Variants in SGMS1 observed in about 807,000 individuals in gnomAD.
The protein encoded by SGMS1 is sphingomyelin synthase 1, also known as phosphatidylcholine:ceramide cholinephosphotransferase 1.
A neutral mutation model predicts 46.2 loss-of-function variants in SGMS1; 13 were observed. The observed-to-expected ratio is 0.28, with a 90% CI of 0.18 to 0.45. The LOEUF (loss-of-function observed/expected upper bound fraction) is 0.45, where lower values mean the gene tolerates loss of function less well. Ranked by LOEUF, SGMS1 falls within the 20% of genes least tolerant of loss-of-function variation. The pLI is 1.00. For missense variants in SGMS1, 324 were observed against 519.9 expected (o/e 0.62, Z 3.66); for synonymous variants, 203 against 187.8 (o/e 1.08, Z -0.66).
intron 1 of SGMS1, among the ~76,000 whole-genome samples, chr10:50,622,586 G>A (rs973545891): frequency 6.6e-6 from 1 of 152,216 alleles, no homozygotes; most frequent in Non-Finnish European, 1.5e-5. Flanking sequence ...ACAGGCCCCA[G>A]AACATAGAAA....
chr10:50,417,858 T>C (rs1849196285), intron 6 of SGMS1, among the ~76,000 whole-genome samples: 2 of 152,228 alleles, frequency 1.3e-5, no homozygotes, highest in East Asian at 1.9e-4. Flanking sequence ...ACCCATATCC[T>C]GACCCACTGC....
intron 2 of SGMS1, among the ~76,000 whole-genome samples, chr10:50,559,205 C>T (rs553766128): frequency 2.0e-5 from 3 of 152,256 alleles, no homozygotes; most frequent in African/African-American, 7.2e-5. Flanking sequence ...ACACAAGCCC[C>T]CCAAAATGTA....
At chr10:50,590,000 A>T (rs770669313) in intron 2 of SGMS1, among the ~76,000 whole-genome samples, 153 bp downstream of exon 2, 2 of 152,216 alleles carry the variant, frequency 1.3e-5, no homozygotes, top group Non-Finnish European at 1.5e-5. Flanking sequence ...AAAATGTACA[A>T]ACCTATACAC....
intron 7 of SGMS1, among the ~76,000 whole-genome samples, chr10:50,337,872 CAAA>C (rs56330245): frequency 0.22 from 22,428 of 102,774 alleles, 2,015 homozygotes; most frequent in East Asian, 0.31. Flanking sequence ...GGTTAAAATA[CAAA>C]AAAAAAAAAA....
chr10:50,586,682 G>A (rs1249368377), intron 2 of SGMS1, among the ~76,000 whole-genome samples: 2 of 152,230 alleles, frequency 1.3e-5, no homozygotes, highest in African/African-American at 2.4e-5. Context: ...CACAGGAAGA[G>A]CAGCAGGAAT....
At chr10:50,475,942 C>T (rs918516395) in intron 3 of SGMS1, among the ~76,000 whole-genome samples, 1 of 151,682 alleles carries the variant, frequency 6.6e-6, no homozygotes, top group Admixed American at 6.6e-5. Flanking sequence ...TATAGCAGTA[C>T]AAGAACAGAC....
intron 3 of SGMS1, among the ~76,000 whole-genome samples, chr10:50,484,449 C>A (rs1293572874): frequency 1.3e-5 from 2 of 152,148 alleles, no homozygotes; most frequent in Non-Finnish European, 2.9e-5. Flanking sequence ...GGATTCACAG[C>A]TGAATCCTAC....
chr10:50,562,839 C>T (rs990882136), intron 2 of SGMS1, among the ~76,000 whole-genome samples: 2 of 152,154 alleles, frequency 1.3e-5, no homozygotes, highest in Non-Finnish European at 2.9e-5. Flanking sequence ...CCACCGCGCC[C>T]GGCCGTCTCC....
At chr10:50,317,848 G>A (rs185718350) in intron 8 of SGMS1, among the ~76,000 whole-genome samples, 7 of 143,606 alleles carry the variant, frequency 4.9e-5, no homozygotes, top group Non-Finnish European at 9.0e-5. Context: ...TGAGAGCCCC[G>A]GCTGGAGTGC....
At chr10:50,625,047 C>T (rs1838909673), upstream of SGMS1, 2 of 1,000,682 alleles carry the variant, frequency 2.0e-6, no homozygotes, top group Non-Finnish European at 1.2e-6. Flanking sequence ...GGGCTTTGGG[C>T]GCCGGACTCT....
chr10:50,439,441 T>C (rs1244414265), intron 5 of SGMS1, among the ~76,000 whole-genome samples: 1 of 152,178 alleles, frequency 6.6e-6, no homozygotes, highest in Non-Finnish European at 1.5e-5. Context: ...TGATGACACA[T>C]AGATCCAACG....
rs188539799 is a variant in SGMS1, at chr10:50,378,228, T to C, written c.-231-33883A>G. Among the ~76,000 whole-genome samples the C allele has an allele frequency of 2.6e-5, 4 of 152,312 alleles. No individual in the cohort carries two copies. In the East Asian group the frequency reaches 7.7e-4, roughly 29 times the overall value. On this transcript the variant is annotated intron_variant, in intron 6 of 10. Coordinates refer to ENST00000361781, the MANE Select transcript of SGMS1 (RefSeq NM_147156.4). ...TTCACACTTGATTAATGGAGCCATCTCCTTCTTTTTACTGATTCCTCTTCA... is the reference window on the plus strand; with the variant it reads ...TTCACACTTGATTAATGGAGCCATCCCCTTCTTTTTACTGATTCCTCTTCA...
At position 50,308,670 on chromosome 10, in the gene SGMS1, G is replaced by A. The variant is rs192148742; in HGVS notation, c.896-522C>T. On this transcript the variant is annotated intron_variant, in intron 9 of 10. Transcript: ENST00000361781. ...AATACAAGCAGAAAAGCATCCAGAC[G>A]CCTGGGAATTCTAGTTCAAGTGCCT... Among the ~76,000 whole-genome samples the A allele has an allele frequency of 1.7e-4, 26 of 152,120 alleles. No individual in the cohort carries two copies. The East Asian group carries it at 3.7e-3, about 22-fold the overall frequency.
chr10:50,381,889 T>C (rs930438209), intron 6 of SGMS1, among the ~76,000 whole-genome samples: 2 of 152,112 alleles, frequency 1.3e-5, no homozygotes, highest in African/African-American at 4.8e-5. Context: ...AAGAATGAAA[T>C]CATAACCAGC....
In SGMS1 at chr10:50,343,790, T is replaced by C; in HGVS notation, c.325A>G (p.Asn109Asp). Reference sequence around the variant, plus strand: ...TTTATCATCTCTTTCCTATACCCATTTGGCATCCCGTTGGGTTTAATCTTG... The same window carrying C: ...TTTATCATCTCTTTCCTATACCCATCTGGCATCCCGTTGGGTTTAATCTTG... Reference protein sequence around the residue: ...SIKIKPNGMPNGYRKEMIKIP... With the variant: ...SIKIKPNGMPDGYRKEMIKIP... Residue 109 changes from asparagine to aspartate, a missense_variant, in exon 7 of 11, where the codon AAT becomes GAT. This residue lies in a region of SGMS1 where 150 missense variants were observed against 169.8 expected (regional missense o/e 0.88). Coordinates refer to ENST00000361781, the MANE Select transcript of SGMS1 (RefSeq NM_147156.4). 1.2e-6 allele frequency: 2 copies of C among 1,614,134 alleles called. No homozygotes were observed. Among genetic ancestry groups the C allele is most frequent in the Non-Finnish European group, 1.7e-6 (2 of 1,180,002 alleles).
chr10:50,620,957 G>C (rs1218455267), intron 1 of SGMS1, among the ~76,000 whole-genome samples: 1 of 152,180 alleles, frequency 6.6e-6, no homozygotes, highest in Non-Finnish European at 1.5e-5. Context: ...GCCAAGGTGA[G>C]AGGATTACTT....
rs1386320155 is a variant in SGMS1 at position 50,307,834 on chromosome 10, C to A, written c.1062+148G>T. 1.4e-6 allele frequency: 1 copy of A among 699,322 alleles called. No homozygotes were observed. The highest frequency in any genetic ancestry group is 2.4e-6 in the Non-Finnish European group (1 of 421,268). The allele number at this position is 699,322 out of a possible 1,614,324, so 43.3% of individuals were successfully genotyped here. ...TTTTATTCTTAATTCTGAAGAGAAT[C>A]AATGTCACAAAAAAACAATACAATC... is the stretch of plus-strand genomic sequence containing the variant. On this transcript the variant is annotated intron_variant, in intron 10 of 10. Transcript: ENST00000361781. The surrounding 1 kb of genome is among the most constrained non-coding windows in gnomAD (Gnocchi z 4.2).
At chr10:50,483,479 T>C (rs773576792) in intron 3 of SGMS1, among the ~76,000 whole-genome samples, 25 of 152,150 alleles carry the variant, frequency 1.6e-4, no homozygotes, top group Non-Finnish European at 3.5e-4. Context: ...ATTAGACAGA[T>C]CACTGAGAGA....
intron 6 of SGMS1, among the ~76,000 whole-genome samples, chr10:50,398,526 T>C (rs545849052): frequency 2.6e-4 from 39 of 152,226 alleles, no homozygotes; most frequent in African/African-American, 8.4e-4. Context: ...GTGTTGTAAG[T>C]TGGGATGTGA....
Sources: gnomAD v4.1 joint callset for allele counts (sites outside exome capture counted in the v4.1 genomes callset) on GRCh38, gnomAD v4.1.1 for gene constraint, gnomAD v4.1.1 regional missense constraint, Gnocchi (gnomAD v3.1) non-coding constraint, MANE v1.5 for transcripts, NCBI Gene and HGNC (gene_info 2026-07-23, HGNC 2026-07-21) for gene names.